Variants in RPS6KC1 observed in about 807,000 individuals in gnomAD.
RPS6KC1 encodes inactive ribosomal protein S6 kinase delta-1.
A neutral mutation model predicts 103.8 loss-of-function variants in RPS6KC1; 54 were observed. The ratio of observed to expected loss-of-function variants is 0.52; its 90% CI spans 0.42 to 0.65. The LOEUF (loss-of-function observed/expected upper bound fraction) is 0.65. RPS6KC1 is among the 30% of genes least tolerant of loss of function. The pLI is 0.00. For missense variants in RPS6KC1, 1,151 were observed against 1,253.8 expected (o/e 0.92, Z 1.24); for synonymous variants, 439 against 438.7 (o/e 1.00, Z -0.01).
chr1:213,102,301 T>G (rs2082087889), intron 3 of RPS6KC1, among the ~76,000 whole-genome samples: 1 of 152,212 alleles, frequency 6.6e-6, no homozygotes, highest in Non-Finnish European at 1.5e-5. Flanking sequence ...TTGCCCAGGC[T>G]GAGTTGAACT....
the RPS6KC1 span, among the ~76,000 whole-genome samples, chr1:213,410,286 G>C: frequency 6.6e-6 from 1 of 152,178 alleles, no homozygotes; most frequent in Non-Finnish European, 1.5e-5. Flanking sequence ...GAGGAAATGA[G>C]AGGGGGTGAG....
intron 6 of RPS6KC1, among the ~76,000 whole-genome samples, chr1:213,156,206 G>A (rs1426419547): frequency 2.6e-5 from 4 of 152,124 alleles, no homozygotes; most frequent in Non-Finnish European, 5.9e-5. Context: ...AGCATCCACA[G>A]TGTCAGAAAT....
At chr1:213,563,272 A>G in the RPS6KC1 span, among the ~76,000 whole-genome samples, 7 of 152,136 alleles carry the variant, frequency 4.6e-5, no homozygotes, top group East Asian at 1.9e-4. Flanking sequence ...ATGTGGTGAC[A>G]TCAAGTTTCT....
chr1:213,420,535 C>T, the RPS6KC1 span, among the ~76,000 whole-genome samples: 26 of 152,232 alleles, frequency 1.7e-4, no homozygotes, highest in East Asian at 5.0e-3. Context: ...CTTAAGGAGA[C>T]CTATCCTGGT....
At chr1:213,375,242 CACAT>C in the RPS6KC1 span, among the ~76,000 whole-genome samples, 3 of 151,904 alleles carry the variant, frequency 2.0e-5, no homozygotes. Context: ...TACACATACA[CACAT>C]ATATACACAC....
At chr1:213,095,260 TTC>T (rs914938941) in intron 3 of RPS6KC1, among the ~76,000 whole-genome samples, 1 of 152,142 alleles carries the variant, frequency 6.6e-6, no homozygotes, top group Admixed American at 6.5e-5. Context: ...ACCTCTCTCT[TTC>T]TTTTTACTCT....
intron 8 of RPS6KC1, among the ~76,000 whole-genome samples, chr1:213,224,153 A>C (rs1272446441): frequency 6.6e-6 from 1 of 152,092 alleles, no homozygotes; most frequent in Non-Finnish European, 1.5e-5. Flanking sequence ...TCATCATTTG[A>C]TACTTTTGGT....
Position 213,205,143 on chromosome 1 carries a change from C to T in RPS6KC1, c.1045-25354C>T. The T allele has an allele frequency of 6.6e-6, 3 of 453,794 alleles. No individual in the cohort carries two copies. In the South Asian group the frequency reaches 2.8e-4, roughly 42 times the overall value. 28.1% of individuals were successfully genotyped at this position (453,794 alleles called of 1,614,324 possible). ...AATTGTGTTGTATACCTTGCTTAAT[C>T]CATTAAATTTTTACCTGTCTGTTTG... On this transcript the variant is annotated intron_variant, in intron 8 of 14. Transcript: ENST00000366960.
At chr1:213,099,361 GACATTTTGCTATATTT>G (rs1252369278) in intron 3 of RPS6KC1, among the ~76,000 whole-genome samples, 1 of 152,074 alleles carries the variant, frequency 6.6e-6, no homozygotes, top group Non-Finnish European at 1.5e-5. Flanking sequence ...TGTGGACAGT[GACATTTTGCTATATTT>G]TCCTTATCAT....
the RPS6KC1 span, among the ~76,000 whole-genome samples, chr1:213,315,761 C>T: frequency 6.6e-5 from 10 of 152,308 alleles, no homozygotes; most frequent in South Asian, 2.1e-4. Flanking sequence ...CTATTAGCCT[C>T]AGTTTTCTTA....
the RPS6KC1 span, among the ~76,000 whole-genome samples, chr1:213,612,824 G>A: frequency 2.0e-5 from 3 of 152,090 alleles, no homozygotes; most frequent in African/African-American, 7.2e-5. Context: ...TATTTGCCTC[G>A]GCAAGAGAAG....
At chr1:213,844,051 T>C in the RPS6KC1 span, among the ~76,000 whole-genome samples, 2 of 152,092 alleles carry the variant, frequency 1.3e-5, no homozygotes, top group East Asian at 3.9e-4. Flanking sequence ...ATGGCCTTCA[T>C]GGAAGAAGAG....
chr1:213,769,517 C>G, the RPS6KC1 span, among the ~76,000 whole-genome samples: 1 of 148,488 alleles, frequency 6.7e-6, no homozygotes, highest in Admixed American at 6.7e-5. Context: ...GAGAGATGGA[C>G]AGAGAGAGAG....
the RPS6KC1 span, among the ~76,000 whole-genome samples, chr1:213,461,088 G>A: frequency 6.6e-6 from 1 of 152,122 alleles, no homozygotes; most frequent in African/African-American, 2.4e-5. Flanking sequence ...CTTCAGCAAA[G>A]TCTCAGATAC....
At chr1:213,535,858 T>G in the RPS6KC1 span, among the ~76,000 whole-genome samples, 1 of 152,082 alleles carries the variant, frequency 6.6e-6, no homozygotes, top group African/African-American at 2.4e-5. Flanking sequence ...ACATGCTCAT[T>G]CCTGAACCAA....
At chr1:213,223,675 A>G (rs1471680553) in intron 8 of RPS6KC1, among the ~76,000 whole-genome samples, 1 of 152,140 alleles carries the variant, frequency 6.6e-6, no homozygotes, top group Non-Finnish European at 1.5e-5. Flanking sequence ...AAACATGTAT[A>G]TGCATGTGTC....
chr1:213,445,403 A>G, the RPS6KC1 span, among the ~76,000 whole-genome samples: 728 of 152,306 alleles, frequency 4.8e-3, 12 homozygotes, highest in African/African-American at 0.017. Flanking sequence ...CAGAATCCTC[A>G]TCAATACTCC....
At position 213,081,023 on chromosome 1, in the gene RPS6KC1, G is replaced by A. The variant is rs568517391; in HGVS notation, c.262+3207G>A. ...CTCTGTTTTCCTTATACTACATCAG[G>A]GAATTGAAATCATGCCACATTTTAG... On this transcript the variant is annotated intron_variant, in intron 3 of 14. Coordinates refer to ENST00000366960, the MANE Select transcript of RPS6KC1 (RefSeq NM_012424.6). 2.6e-5 allele frequency among the ~76,000 whole-genome samples: 4 copies of A among 152,232 alleles called. No individual in the cohort carries two copies. In the East Asian group the frequency reaches 5.8e-4, roughly 22 times the overall value.
chr1:213,693,097 C>T, the RPS6KC1 span, among the ~76,000 whole-genome samples: 3 of 152,206 alleles, frequency 2.0e-5, no homozygotes, highest in African/African-American at 7.2e-5. Context: ...CAAGCCTAGA[C>T]TATATCTGCT....
Sources: gnomAD v4.1 joint callset for allele counts (sites outside exome capture counted in the v4.1 genomes callset) on GRCh38, gnomAD v4.1.1 for gene constraint, MANE v1.5 for transcripts, NCBI Gene and HGNC (gene_info 2026-07-23, HGNC 2026-07-21) for gene names.